The following SLC35E1 variants were observed in gnomAD, a reference collection of about 807,000 sequenced individuals.
SLC35E1 encodes the protein solute carrier family 35 member E1, also known as solute carrier family 35, member E1.
Under a neutral mutation model 31.0 loss-of-function variants are expected in SLC35E1, and 12 were observed. The observed-to-expected ratio is 0.39, with a 90% CI of 0.25 to 0.63. The LOEUF (loss-of-function observed/expected upper bound fraction) is 0.63. SLC35E1 is among the 20% of genes least tolerant of loss of function. The pLI is 0.52. For missense variants in SLC35E1, 429 were observed against 572.2 expected (o/e 0.75, Z 2.55); for synonymous variants, 257 against 264.1 (o/e 0.97, Z 0.26).
intron 4 of SLC35E1, among the ~76,000 whole-genome samples, chr19:16,560,207 C>T (rs1002779593): frequency 1.3e-5 from 2 of 152,158 alleles, no homozygotes; most frequent in African/African-American, 4.8e-5. Flanking sequence ...ATTCCATGGG[C>T]GACTTTATGA....
At chr19:16,559,188 C>T (rs922202361) in intron 4 of SLC35E1, among the ~76,000 whole-genome samples, 3 of 151,916 alleles carry the variant, frequency 2.0e-5, no homozygotes, top group Non-Finnish European at 2.9e-5. Context: ...TGGTGGCAGG[C>T]GCCTGTAATC....
chr19:16,566,793 T>C (rs2085934748), intron 3 of SLC35E1, 136 bp from the exon 4 acceptor site: 2 of 1,063,846 alleles, frequency 1.9e-6, no homozygotes, highest in African/African-American at 3.2e-5. Context: ...TGCAAGTGCA[T>C]TTGTGAGGAC....
intron 3 of SLC35E1, 69 bp from the exon 4 acceptor site, chr19:16,566,726 G>A (rs1369232460): frequency 4.5e-6 from 7 of 1,546,764 alleles, no homozygotes; most frequent in Middle Eastern, 2.4e-4. Flanking sequence ...CAGTGACTCA[G>A]GCCCCAAACA....
intron 2 of SLC35E1, 109 bp from the exon 3 acceptor site, chr19:16,568,278 C>T (rs2085941787): frequency 1.5e-6 from 2 of 1,367,234 alleles, no homozygotes; most frequent in South Asian, 1.5e-5. Flanking sequence ...AGGGATACCA[C>T]CTAACACTTT....
intron 2 of SLC35E1, among the ~76,000 whole-genome samples, chr19:16,568,525 C>T (rs1208296092): frequency 6.6e-6 from 1 of 152,194 alleles, no homozygotes; most frequent in Non-Finnish European, 1.5e-5. Flanking sequence ...CCCCCATTCC[C>T]TCTTTTTAAA....
chr19:16,558,748 G>T (rs1222541890), intron 4 of SLC35E1, among the ~76,000 whole-genome samples: 2 of 149,802 alleles, frequency 1.3e-5, no homozygotes, highest in Non-Finnish European at 3.0e-5. Context: ...CCTCCATTCC[G>T]CTTTTCAGTC....
chr19:16,553,391 G>A lies in SLC35E1; in HGVS notation c.*288C>T, dbSNP rs186308101. 2.8e-5 allele frequency: 7 copies of A among 252,856 alleles called. No individual in the cohort carries two copies. Among genetic ancestry groups the A allele is most frequent in the African/African-American group, 1.3e-4 (6 of 45,212 alleles). 15.7% of individuals were successfully genotyped at this position (252,856 alleles called of 1,614,324 possible). ...ATAATTCCACATGGAAAGGTACAACGTGGCCAAGATCTCCGCAGGGACACG... is the reference window on the plus strand; with the variant it reads ...ATAATTCCACATGGAAAGGTACAACATGGCCAAGATCTCCGCAGGGACACG... On this transcript the variant is annotated 3_prime_UTR_variant, in exon 6 of 6. Coordinates refer to ENST00000595753, the MANE Select transcript of SLC35E1 (RefSeq NM_024881.5).
intron 2 of SLC35E1, 48 bp from the exon 3 acceptor site, chr19:16,568,217 G>A (rs2085941525): frequency 1.3e-6 from 2 of 1,545,258 alleles, no homozygotes; most frequent in East Asian, 4.8e-5. Context: ...GACTAGAGCT[G>A]GGCCACATGC....
At position 16,572,076 on chromosome 19, in the gene SLC35E1, G is replaced by A; in HGVS notation, c.289C>T (p.Pro97Ser). Reference sequence around the variant, plus strand: ...GGCGGCAGCAGCGGGCCGGACGACGGATGCGGACTGGGTCCGGGGCCCGAG... The same window carrying A: ...GGCGGCAGCAGCGGGCCGGACGACGAATGCGGACTGGGTCCGGGGCCCGAG... Reference protein sequence around the residue: ...PVSGPGPSPHPSSGPLLPPRF... With the variant: ...PVSGPGPSPHSSSGPLLPPRF... Residue 97 changes from proline (P) to serine (S), a missense_variant, in exon 1 of 6, where the codon CCG becomes TCG. Physicochemically the swap from Pro to Ser is moderately conservative, Grantham distance 74. Coordinates refer to ENST00000595753, the MANE Select transcript of SLC35E1 (RefSeq NM_024881.5). The surrounding 1 kb of genome is among the most constrained non-coding windows in gnomAD (Gnocchi z 4.1). 2 of 1,538,436 alleles carry A rather than the reference G, an allele frequency of 1.3e-6. No individual in the cohort carries two copies. The highest frequency in any genetic ancestry group is 1.8e-6 in the Non-Finnish European group (2 of 1,142,206).
chr19:16,564,908 G>C, intron 4 of SLC35E1: 1 of 312,268 alleles, frequency 3.2e-6, no homozygotes. Flanking sequence ...AGTTAGAAAA[G>C]TGAGCCATGG....
intron 5 of SLC35E1, among the ~76,000 whole-genome samples, chr19:16,554,692 C>A (rs2085865873): frequency 6.6e-6 from 1 of 151,934 alleles, no homozygotes; most frequent in African/African-American, 2.4e-5. Flanking sequence ...GTGGTAGGCG[C>A]CTGTAGTCCC....
In SLC35E1 at chr19:16,568,220, C is replaced by T. The variant is rs748917511; in HGVS notation, c.493-51G>A. 2.6e-6 allele frequency: 4 copies of T among 1,536,342 alleles called. No individual in the cohort carries two copies. In the Admixed American group the frequency reaches 6.2e-5, roughly 24 times the overall value. On this transcript the variant is annotated intron_variant, in intron 2 of 5. Coordinates refer to ENST00000595753, the MANE Select transcript of SLC35E1 (RefSeq NM_024881.5). ...GCTCACAGGCCAGACTAGAGCTGGG[C>T]CACATGCCACAGATGCCCAGGGAAG... is the stretch of plus-strand genomic sequence containing the variant.
Position 16,566,626 on chromosome 19 carries a change from C to T in SLC35E1, c.662G>A (p.Arg221Gln), listed in dbSNP as rs776222129. ...GTGGCAGCCCAGGATGTTGAGCAGC[C>T]GGAGATGGTGGATCCGTGAATCTCG... is the stretch of plus-strand genomic sequence containing the variant. ...VLRDSRIHHL[R>Q]LLNILGCHAV... The change falls in exon 4 of 6, where the codon CGG becomes CAG. Residue 221 changes from arginine (R) to glutamine (Q), a missense_variant. By Grantham distance (43) the Arg-to-Gln change is conservative. Transcript: ENST00000595753. 1.4e-5 allele frequency: 22 copies of T among 1,612,288 alleles called. No homozygotes were observed. The highest frequency in any genetic ancestry group is 1.7e-5 in the Non-Finnish European group (20 of 1,179,990).
At chr19:16,558,460 C>A (rs1385168336) in intron 4 of SLC35E1, among the ~76,000 whole-genome samples, 2 of 152,106 alleles carry the variant, frequency 1.3e-5, no homozygotes, top group African/African-American at 4.8e-5. Context: ...CCTCAGCCTG[C>A]CAAGTAGCTG....
intron 5 of SLC35E1, among the ~76,000 whole-genome samples, chr19:16,554,728 G>A (rs1309452637): frequency 1.3e-5 from 2 of 148,730 alleles, no homozygotes; most frequent in Non-Finnish European, 3.0e-5. Context: ...TGAGGCAGGA[G>A]AATCGCTTGA....
At chr19:16,560,148 T>G (rs1411926636) in intron 4 of SLC35E1, among the ~76,000 whole-genome samples, 3 of 152,198 alleles carry the variant, frequency 2.0e-5, no homozygotes, top group Non-Finnish European at 4.4e-5. Context: ...TTTGGTATGC[T>G]GTTTAAGATC....
Position 16,568,296 on chromosome 19 carries a change from G to A in SLC35E1, c.493-127C>T, listed in dbSNP as rs533217060. The stretch of plus-strand genomic sequence containing the variant: ...GATACCACCTAACACTTTGAAAGTG[G>A]TGTTTGCTGTGCCAGTGACGCTCTG... On this transcript the variant is annotated intron_variant, in intron 2 of 5. Transcript: ENST00000595753. The A allele has an allele frequency of 3.2e-6, 4 of 1,262,024 alleles. No homozygotes were observed. In the Admixed American group the frequency reaches 1.2e-4, roughly 36 times the overall value. The allele number at this position is 1,262,024 out of a possible 1,614,324, so 78.2% of individuals were successfully genotyped here.
chr19:16,563,020 T>C (rs1411536361), intron 4 of SLC35E1, among the ~76,000 whole-genome samples: 1 of 152,212 alleles, frequency 6.6e-6, no homozygotes, highest in Non-Finnish European at 1.5e-5. Flanking sequence ...GACCTGTAAA[T>C]TTAAAAAGCT....
At chr19:16,569,380 T>C (rs964305548) in intron 2 of SLC35E1, among the ~76,000 whole-genome samples, 3 of 152,114 alleles carry the variant, frequency 2.0e-5, no homozygotes, top group African/African-American at 7.2e-5. Context: ...TTAGAGCAGG[T>C]CCTTGTTCAC....
Sources: gnomAD v4.1 joint callset for allele counts (sites outside exome capture counted in the v4.1 genomes callset) on GRCh38, gnomAD v4.1.1 for gene constraint, Gnocchi (gnomAD v3.1) non-coding constraint, MANE v1.5 for transcripts, NCBI Gene and HGNC (gene_info 2026-07-23, HGNC 2026-07-21) for gene names.